Variants in PAXBP1 observed in about 807,000 individuals in gnomAD.
The protein encoded by PAXBP1 is PAX3 and PAX7 binding protein 1, also known as PAX3- and PAX7-binding protein 1.
A neutral mutation model predicts 119.9 loss-of-function variants in PAXBP1; 44 were observed. The observed-to-expected ratio is 0.37, with a 90% CI of 0.29 to 0.47. The LOEUF (loss-of-function observed/expected upper bound fraction) is 0.47. Among genes scored for constraint, PAXBP1 ranks in the 20% least tolerant of loss-of-function variants. PAXBP1 has a pLI of 0.99. For missense variants in PAXBP1, 898 were observed against 1,134.1 expected (o/e 0.79, Z 2.99); for synonymous variants, 393 against 406.6 (o/e 0.97, Z 0.40).
Position 32,764,454 on chromosome 21 carries a change from T to G in PAXBP1, c.543A>C (p.Glu181Asp). The G allele has an allele frequency of 6.2e-7, 1 of 1,613,858 alleles. No homozygotes were observed. Among genetic ancestry groups the G allele is most frequent in the Non-Finnish European group, 8.5e-7 (1 of 1,179,846 alleles). Residue 181 changes from glutamate to aspartate, a missense_variant, in exon 3 of 18, where the codon GAA becomes GAC. This residue lies in a region of PAXBP1 where 299 missense variants were observed against 281.4 expected (regional missense o/e 1.06). Coordinates refer to ENST00000331923, the MANE Select transcript of PAXBP1 (RefSeq NM_016631.4). ...TNQEDGVIIS[E>D]HGEDEMDMES... ...CCATATCCATTTCATCTTCACCATG[T>G]TCACTGATGATAACTCCATCTTCTT...
In PAXBP1 at chr21:32,741,597, C is replaced by A. The variant is rs770298224; in HGVS notation, c.2334+1651G>T. On this transcript the variant is annotated intron_variant, in intron 15 of 17. Coordinates refer to ENST00000331923, the MANE Select transcript of PAXBP1 (RefSeq NM_016631.4). ...TTTCCTTCTGGGTATGGGGCAGGAC[C>A]CTCTCTGGAATGGGGGTTTTATGAC... 5.3e-6 allele frequency: 4 copies of A among 761,790 alleles called. No individual in the cohort carries two copies. In the East Asian group the frequency reaches 9.9e-5, roughly 19 times the overall value. The allele number at this position is 761,790 out of a possible 1,614,324, so 47.2% of individuals were successfully genotyped here.
intron 8 of PAXBP1, among the ~76,000 whole-genome samples, chr21:32,753,425 CAAAA>C (rs757858309): frequency 1.1e-5 from 1 of 90,996 alleles, no homozygotes. Flanking sequence ...GACTCCGTCT[CAAAA>C]AAAAAAAAAA....
At chr21:32,736,396 C>T (rs1485446913) in intron 17 of PAXBP1, among the ~76,000 whole-genome samples, 1 of 152,034 alleles carries the variant, frequency 6.6e-6, no homozygotes, top group Non-Finnish European at 1.5e-5. Flanking sequence ...ACCATGTTGG[C>T]CAGGATGGTC....
At chr21:32,753,442 A>AC (rs943474635) in intron 8 of PAXBP1, among the ~76,000 whole-genome samples, 15 of 152,102 alleles carry the variant, frequency 9.9e-5, no homozygotes, top group African/African-American at 3.4e-4. Context: ...AAAAAAAAAA[A>AC]AAAAACATTA....
At chr21:32,743,650 A>G in intron 14 of PAXBP1, 28 bp downstream of exon 14, 1 of 1,459,286 alleles carries the variant, frequency 6.9e-7, no homozygotes, top group Non-Finnish European at 9.5e-7. Context: ...GGAGAATATT[A>G]TCTTTAATGT....
At position 32,734,571 on chromosome 21, in the gene PAXBP1, C is replaced by T. The variant is rs1374039283; in HGVS notation, c.*379G>A. ...ATTTTCTGCTGTTAAAAGGCTTCCT[C>T]TGTGGAAAAACACCACAAATTTCCA... is the stretch of plus-strand genomic sequence containing the variant. On this transcript the variant is annotated 3_prime_UTR_variant, in exon 18 of 18. Transcript: ENST00000331923. 1 of 199,268 alleles carries T rather than the reference C, an allele frequency of 5.0e-6. No homozygotes were observed. Among genetic ancestry groups the T allele is most frequent in the African/African-American group, 2.4e-5 (1 of 41,894 alleles). The allele number at this position is 199,268 out of a possible 1,614,324, so 12.3% of individuals were successfully genotyped here.
At chr21:32,763,097 T>C (rs1341307849) in intron 3 of PAXBP1, among the ~76,000 whole-genome samples, 1 of 152,162 alleles carries the variant, frequency 6.6e-6, no homozygotes, top group Non-Finnish European at 1.5e-5. Flanking sequence ...CATATCATAA[T>C]AAGTTTTATT....
chr21:32,755,481 C>T (rs1276813929), intron 7 of PAXBP1, 128 bp from the exon 8 acceptor site: 3 of 1,233,594 alleles, frequency 2.4e-6, no homozygotes, highest in East Asian at 5.2e-5. Flanking sequence ...GAATCCCCAA[C>T]AGCACACAAG....
At chr21:32,743,539 A>T in intron 14 of PAXBP1, 139 bp downstream of exon 14, 1 of 743,448 alleles carries the variant, frequency 1.3e-6, no homozygotes, top group Non-Finnish European at 2.3e-6. Flanking sequence ...TAAGGGAACA[A>T]TCTCGCCACT....
chr21:32,744,179 T>G (rs2043833383), intron 13 of PAXBP1, among the ~76,000 whole-genome samples: 1 of 151,526 alleles, frequency 6.6e-6, no homozygotes, highest in South Asian at 2.1e-4. Flanking sequence ...GTGCCCAATC[T>G]TTTGGCTTCC....
intron 8 of PAXBP1, among the ~76,000 whole-genome samples, chr21:32,753,008 T>C (rs2833948): frequency 0.25 from 38,604 of 151,896 alleles, 4,970 homozygotes; most frequent in East Asian, 0.35. Context: ...GGTATGTTCC[T>C]GAGTGCATCA....
chr21:32,744,114 G>A (rs2146476351), intron 13 of PAXBP1, among the ~76,000 whole-genome samples: 1 of 152,092 alleles, frequency 6.6e-6, no homozygotes, highest in South Asian at 2.1e-4. Flanking sequence ...TTTAAGTTTG[G>A]CAACTAGTTA....
At chr21:32,740,426 A>T (rs1052435482) in intron 15 of PAXBP1, among the ~76,000 whole-genome samples, 40 of 152,326 alleles carry the variant, frequency 2.6e-4, no homozygotes, top group African/African-American at 7.0e-4. Flanking sequence ...TGTGTCCTCA[A>T]TCTTGGCAAA....
At chr21:32,738,895 A>G (rs550095750) in intron 15 of PAXBP1, among the ~76,000 whole-genome samples, 275 of 152,346 alleles carry the variant, frequency 1.8e-3, no homozygotes, top group Non-Finnish European at 3.3e-3. Context: ...GTAAATGGTA[A>G]CACTATTCAA....
chr21:32,744,756 GAA>G (rs78287607), intron 13 of PAXBP1, 34 bp downstream of exon 13: 644 of 1,170,396 alleles, frequency 5.5e-4, no homozygotes, highest in South Asian at 1.1e-3. Context: ...ACAGAAAGAG[GAA>G]AAAAAAAAAA....
chr21:32,760,425 A>G (rs994909206), intron 5 of PAXBP1, among the ~76,000 whole-genome samples: 1 of 152,178 alleles, frequency 6.6e-6, no homozygotes, highest in Non-Finnish European at 1.5e-5. Context: ...AACACTATTA[A>G]CAAAAATAGG....
intron 15 of PAXBP1, among the ~76,000 whole-genome samples, chr21:32,739,981 C>T (rs1781967112): frequency 7.6e-6 from 1 of 131,528 alleles, no homozygotes; most frequent in Non-Finnish European, 1.6e-5. Context: ...AATTTGTTTA[C>T]TTACCTTAAA....
intron 10 of PAXBP1, among the ~76,000 whole-genome samples, chr21:32,749,476 G>A (rs570900883): frequency 9.9e-5 from 15 of 152,254 alleles, no homozygotes; most frequent in African/African-American, 3.6e-4. Flanking sequence ...TTACAGGTGT[G>A]AGCCACTGTG....
chr21:32,757,598 T>C (rs1383028168), intron 7 of PAXBP1, among the ~76,000 whole-genome samples: 1 of 152,250 alleles, frequency 6.6e-6, no homozygotes, highest in African/African-American at 2.4e-5. Context: ...ACTTTTGGTA[T>C]GATCTAGCTG....
Sources: gnomAD v4.1 joint callset for allele counts (sites outside exome capture counted in the v4.1 genomes callset) on GRCh38, gnomAD v4.1.1 for gene constraint, gnomAD v4.1.1 regional missense constraint, MANE v1.5 for transcripts, NCBI Gene and HGNC (gene_info 2026-07-23, HGNC 2026-07-21) for gene names.